Variants in SORCS3 observed in about 807,000 individuals in gnomAD.
SORCS3 encodes sortilin related VPS10 domain containing receptor 3.
Under a neutral mutation model 146.3 loss-of-function variants are expected in SORCS3, and 57 were observed. That is an observed-to-expected ratio of 0.39 (90% CI 0.31 to 0.49). The LOEUF (loss-of-function observed/expected upper bound fraction) is 0.49. SORCS3 is among the 20% of genes least tolerant of loss of function. The probability of loss-of-function intolerance (pLI) is 0.92; values close to 1 mark genes in which losing one functional copy is unlikely to be tolerated. For synonymous variants in SORCS3, 653 were observed against 618.5 expected (o/e 1.06, Z -0.83); for missense variants, 1,341 against 1,575.5 (o/e 0.85, Z 2.52).
At chr10:105,196,472 A>G (rs12243779) in intron 14 of SORCS3, among the ~76,000 whole-genome samples, 50,041 of 151,954 alleles carry the variant, frequency 0.33, 8,357 homozygotes, top group South Asian at 0.48. Context: ...GAGTGTGGTG[A>G]TGCATGCCTG....
At chr10:105,076,990 T>C (rs974090796) in intron 5 of SORCS3, among the ~76,000 whole-genome samples, 1 of 152,216 alleles carries the variant, frequency 6.6e-6, no homozygotes, top group Non-Finnish European at 1.5e-5. Flanking sequence ...TTTAATCAAA[T>C]TGAATTTCTC....
At chr10:104,944,674 A>G (rs2019351598) in intron 3 of SORCS3, among the ~76,000 whole-genome samples, 1 of 152,234 alleles carries the variant, frequency 6.6e-6, no homozygotes, top group Non-Finnish European at 1.5e-5. Context: ...TATAACCAAC[A>G]TATTAGCTAA....
chr10:104,778,711 A>G (rs1286618597), intron 1 of SORCS3, among the ~76,000 whole-genome samples: 1 of 152,214 alleles, frequency 6.6e-6, no homozygotes, highest in Non-Finnish European at 1.5e-5. Flanking sequence ...CTTTTATAAT[A>G]TCTTTTCTCC....
chr10:104,998,407 G>A (rs1011161633), intron 4 of SORCS3, among the ~76,000 whole-genome samples: 1 of 152,084 alleles, frequency 6.6e-6, no homozygotes, highest in African/African-American at 2.4e-5. Flanking sequence ...CTGTTTTGTT[G>A]AGAGATCTCT....
chr10:105,259,983 C>T (rs891278186), intron 25 of SORCS3, among the ~76,000 whole-genome samples: 1 of 152,160 alleles, frequency 6.6e-6, no homozygotes, highest in African/African-American at 2.4e-5. Context: ...GGAGTTCAGA[C>T]TTATATTCTC....
At position 105,115,743 on chromosome 10, in the gene SORCS3, A is replaced by G. The variant is rs1370612917; in HGVS notation, c.1212+10228A>G. Among the ~76,000 whole-genome samples the G allele has an allele frequency of 2.0e-5, 3 of 152,192 alleles. No individual in the cohort carries two copies. The East Asian group carries it at 5.8e-4, about 29-fold the overall frequency. ...ATGATGTGGCTACTGTATCCCCAGT[A>G]AATTACTATCTTTCTGAAAAAAACC... is the stretch of plus-strand genomic sequence containing the variant. On this transcript the variant is annotated intron_variant, in intron 7 of 26. Transcript: ENST00000369701.
Position 104,699,340 on chromosome 10 carries a change from T to A in SORCS3, c.627+57386T>A, listed in dbSNP as rs561889184. Among the ~76,000 whole-genome samples the A allele has an allele frequency of 5.3e-5, 8 of 152,034 alleles. No homozygotes were observed. The South Asian group carries it at 1.7e-3, about 32-fold the overall frequency. ...TATTAGAAAACTTGTTTCCCTGGAG[T>A]CTCCTTAAGAATATAAAACTGACCC... On this transcript the variant is annotated intron_variant, in intron 1 of 26. Transcript: ENST00000369701.
At chr10:105,202,878 C>G (rs2056582698) in intron 16 of SORCS3, among the ~76,000 whole-genome samples, 1 of 152,136 alleles carries the variant, frequency 6.6e-6, no homozygotes, top group Non-Finnish European at 1.5e-5. Flanking sequence ...TCAGCTTTGT[C>G]TTTGTTAAAA....
intron 22 of SORCS3, among the ~76,000 whole-genome samples, chr10:105,248,002 C>G (rs1452276897): frequency 1.3e-5 from 2 of 152,156 alleles, no homozygotes; most frequent in African/African-American, 4.8e-5. Flanking sequence ...CATTTATACT[C>G]ACAAGACTAC....
intron 1 of SORCS3, among the ~76,000 whole-genome samples, chr10:104,686,807 G>A (rs1465999433): frequency 6.6e-6 from 1 of 152,112 alleles, no homozygotes; most frequent in African/African-American, 2.4e-5. Flanking sequence ...CCCCGTCTCA[G>A]GATCCTCATA....
intron 1 of SORCS3, among the ~76,000 whole-genome samples, chr10:104,691,266 G>A (rs923142520): frequency 1.3e-5 from 2 of 152,178 alleles, no homozygotes; most frequent in Non-Finnish European, 2.9e-5. Context: ...ACCAGGCTGG[G>A]CACCCTATGA....
chr10:104,826,067 T>C (rs1478722268), intron 1 of SORCS3, among the ~76,000 whole-genome samples: 1 of 152,188 alleles, frequency 6.6e-6, no homozygotes, highest in African/African-American at 2.4e-5. Context: ...CCCCTTGGAA[T>C]AGAGAACCCT....
chr10:104,885,465 T>C (rs963048235), intron 2 of SORCS3, among the ~76,000 whole-genome samples: 2 of 152,186 alleles, frequency 1.3e-5, no homozygotes, highest in African/African-American at 4.8e-5. Context: ...GGCAATACGG[T>C]ATTAAGTACT....
At chr10:104,767,784 C>A (rs1175170869) in intron 1 of SORCS3, among the ~76,000 whole-genome samples, 2 of 146,618 alleles carry the variant, frequency 1.4e-5, no homozygotes, top group East Asian at 4.0e-4. Context: ...CTTTCCCTTC[C>A]CTCCCTTTTC....
intron 25 of SORCS3, among the ~76,000 whole-genome samples, chr10:105,259,504 G>A (rs1292090021): frequency 6.6e-6 from 1 of 152,184 alleles, no homozygotes; most frequent in African/African-American, 2.4e-5. Flanking sequence ...GAATTACTAT[G>A]AGCCTCAAGC....
At chr10:104,762,129 G>T (rs1276734288) in intron 1 of SORCS3, among the ~76,000 whole-genome samples, 1 of 152,114 alleles carries the variant, frequency 6.6e-6, no homozygotes, top group East Asian at 1.9e-4. Flanking sequence ...TTCTCCACAG[G>T]TCCTATTAAT....
intron 1 of SORCS3, among the ~76,000 whole-genome samples, chr10:104,731,333 C>T (rs1038728933): frequency 1.6e-4 from 25 of 152,186 alleles, no homozygotes; most frequent in African/African-American, 5.6e-4. Context: ...TCTTAGATCC[C>T]AGCCCGAGGC....
At chr10:104,838,943 A>T in intron 1 of SORCS3, among the ~76,000 whole-genome samples, 1 of 152,118 alleles carries the variant, frequency 6.6e-6, no homozygotes, top group Non-Finnish European at 1.5e-5. Flanking sequence ...CCTTGGGGGT[A>T]CTTGGTCAAG....
chr10:104,738,330 T>C (rs2016800887), intron 1 of SORCS3, among the ~76,000 whole-genome samples: 1 of 152,246 alleles, frequency 6.6e-6, no homozygotes, highest in South Asian at 2.1e-4. Flanking sequence ...GATCATTTTT[T>C]CTTTGTTCAC....
Sources: allele counts gnomAD v4.1 joint callset (sites outside exome capture counted in the v4.1 genomes callset), GRCh38; gene constraint gnomAD v4.1.1; transcripts MANE v1.5; gene names NCBI Gene and HGNC (gene_info 2026-07-23, HGNC 2026-07-21).